DIAPH3: variants seen among roughly 807,000 people sequenced by gnomAD.
DIAPH3 encodes the protein protein diaphanous homolog 3.
In DIAPH3, 117 loss-of-function variants were observed where a neutral mutation model predicts 144.3. The ratio of observed to expected loss-of-function variants is 0.81; its 90% confidence interval spans 0.70 to 0.95. DIAPH3 has a LOEUF of 0.95. Ranked by LOEUF, DIAPH3 falls within the 40% of genes least tolerant of loss-of-function variation. DIAPH3 has a pLI of 0.00. For synonymous variants in DIAPH3, 519 were observed against 488.9 expected (o/e 1.06, Z -0.81); for missense variants, 1,421 against 1,412.7 (o/e 1.01, Z -0.09).
intron 5 of DIAPH3, among the ~76,000 whole-genome samples, chr13:60,032,191 T>C (rs1490918303): frequency 2.6e-5 from 4 of 152,260 alleles, no homozygotes; most frequent in South Asian, 2.1e-4. Context: ...GCATTGAGTG[T>C]CTATAGCTTT....
chr13:59,704,094 C>G (rs1254807128), intron 27 of DIAPH3, among the ~76,000 whole-genome samples: 1 of 152,116 alleles, frequency 6.6e-6, no homozygotes, highest in Admixed American at 6.6e-5. Context: ...AAAAATAGAT[C>G]TTCTTCTTAG....
intron 17 of DIAPH3, among the ~76,000 whole-genome samples, chr13:59,956,103 A>G (rs2049384636): frequency 6.6e-6 from 1 of 152,250 alleles, no homozygotes; most frequent in African/African-American, 2.4e-5. Flanking sequence ...AGAAGTTCAA[A>G]AAATTTGCAG....
chr13:59,838,509 C>T (rs554902466), intron 23 of DIAPH3: 20 of 151,814 alleles, frequency 1.3e-4, no homozygotes, highest in Admixed American at 9.8e-4. Flanking sequence ...GATTTTATAA[C>T]CATCTAGTAT....
Position 59,698,641 on chromosome 13 carries a change from A to C in DIAPH3, c.3320-31795T>G, listed in dbSNP as rs369962341. On this transcript the variant is annotated intron_variant, in intron 27 of 27. Coordinates refer to ENST00000400324, the MANE Select transcript of DIAPH3 (RefSeq NM_001042517.2). ...AAAAAGTTGCTAAATTAGTGCATGA[A>C]AAAGTATTACCAAAAGGAATAGCAC... Among the ~76,000 whole-genome samples, 12 of 152,372 alleles carry C rather than the reference A, an allele frequency of 7.9e-5. No homozygotes were observed. In the East Asian group the frequency reaches 1.9e-3, roughly 24 times the overall value.
intron 27 of DIAPH3, among the ~76,000 whole-genome samples, chr13:59,688,139 T>C (rs2033310608): frequency 1.3e-5 from 2 of 152,064 alleles, no homozygotes; most frequent in Non-Finnish European, 2.9e-5. Flanking sequence ...AACTTTAAAA[T>C]GGCTATTTTT....
chr13:60,063,239 G>T (rs1175320760), intron 4 of DIAPH3, among the ~76,000 whole-genome samples: 1 of 152,172 alleles, frequency 6.6e-6, no homozygotes, highest in Non-Finnish European at 1.5e-5. Flanking sequence ...TCCATAAGAA[G>T]TAACTCCTCA....
chr13:59,921,769 A>C (rs556555305), intron 18 of DIAPH3, among the ~76,000 whole-genome samples: 6 of 152,080 alleles, frequency 3.9e-5, no homozygotes, highest in Non-Finnish European at 8.8e-5. Flanking sequence ...AACCTGCAAG[A>C]ATGCAACAAA....
At chr13:59,696,901 T>C (rs2033830485) in intron 27 of DIAPH3, among the ~76,000 whole-genome samples, 1 of 152,106 alleles carries the variant, frequency 6.6e-6, no homozygotes, top group African/African-American at 2.4e-5. Context: ...TCTATCCTAG[T>C]TAGTTGCAAA....
At chr13:59,932,888 G>A (rs559706663) in intron 17 of DIAPH3, among the ~76,000 whole-genome samples, 11 of 152,266 alleles carry the variant, frequency 7.2e-5, no homozygotes, top group African/African-American at 2.4e-4. Context: ...GCCAGATAAT[G>A]AGTCTATTAT....
chr13:59,792,088 C>T (rs1014196140), intron 25 of DIAPH3, among the ~76,000 whole-genome samples: 1 of 152,108 alleles, frequency 6.6e-6, no homozygotes, highest in Non-Finnish European at 1.5e-5. Flanking sequence ...CTCCTTTCAC[C>T]TCGTTCTCTT....
intron 5 of DIAPH3, among the ~76,000 whole-genome samples, chr13:60,042,468 T>A (rs1438927516): frequency 6.6e-6 from 1 of 152,198 alleles, no homozygotes; most frequent in African/African-American, 2.4e-5. Flanking sequence ...AAAAATTCTA[T>A]GTGGGCAAAA....
intron 2 of DIAPH3, among the ~76,000 whole-genome samples, chr13:60,124,313 T>C (rs183365833): frequency 3.9e-4 from 59 of 152,216 alleles, no homozygotes; most frequent in African/African-American, 8.4e-4. Context: ...CCTGTATCTA[T>C]ATCTGGGCGC....
intron 3 of DIAPH3, among the ~76,000 whole-genome samples, chr13:60,104,321 G>A (rs1358643755): frequency 1.3e-5 from 2 of 151,954 alleles, no homozygotes; most frequent in Non-Finnish European, 2.9e-5. Flanking sequence ...TACCAATAGT[G>A]GGGTTGAATT....
At chr13:59,820,326 G>C (rs1428139431) in intron 24 of DIAPH3, among the ~76,000 whole-genome samples, 1 of 151,870 alleles carries the variant, frequency 6.6e-6, no homozygotes, top group Non-Finnish European at 1.5e-5. Context: ...AGCTATAGTG[G>C]TAAATTAAAT....
chr13:59,764,775 G>T (rs1175116524), intron 27 of DIAPH3, among the ~76,000 whole-genome samples: 1 of 151,972 alleles, frequency 6.6e-6, no homozygotes, highest in Non-Finnish European at 1.5e-5. Flanking sequence ...GCATGGAATA[G>T]ATTCTCCCAC....
At chr13:60,036,534 G>A (rs1356605979) in intron 5 of DIAPH3, among the ~76,000 whole-genome samples, 2 of 151,450 alleles carry the variant, frequency 1.3e-5, no homozygotes, top group Non-Finnish European at 2.9e-5. Flanking sequence ...ACTTACCTCC[G>A]TGGTATCAAT....
chr13:59,832,888 T>C, intron 24 of DIAPH3: 1 of 484,194 alleles, frequency 2.1e-6, no homozygotes, highest in East Asian at 3.5e-5. Context: ...ATTTGTCACT[T>C]TTTCAATCAA....
At chr13:59,699,109 G>A (rs988134968) in intron 27 of DIAPH3, among the ~76,000 whole-genome samples, 1 of 152,166 alleles carries the variant, frequency 6.6e-6, no homozygotes, top group Admixed American at 6.5e-5. Flanking sequence ...AGTAAGGCAG[G>A]AGGCAGCTCA....
At chr13:60,137,215 T>C (rs1041644075) in intron 1 of DIAPH3, among the ~76,000 whole-genome samples, 2 of 152,168 alleles carry the variant, frequency 1.3e-5, no homozygotes, top group African/African-American at 4.8e-5. Context: ...AAAAAGCCTT[T>C]ATAGATTTTT....
Sources: allele counts gnomAD v4.1 joint callset (sites outside exome capture counted in the v4.1 genomes callset), GRCh38; gene constraint gnomAD v4.1.1; transcripts MANE v1.5; gene names NCBI Gene and HGNC (gene_info 2026-07-23, HGNC 2026-07-21).